Variants in MTHFD1 observed in about 807,000 individuals in gnomAD.
MTHFD1 encodes the protein methylenetetrahydrofolate dehydrogenase, cyclohydrolase and formyltetrahydrofolate synthetase 1.
In MTHFD1, 44 loss-of-function variants were observed where a neutral mutation model predicts 110.3. That is an observed-to-expected ratio of 0.40 (90% CI 0.31 to 0.51). The LOEUF (loss-of-function observed/expected upper bound fraction) is 0.51. Among genes scored for constraint, MTHFD1 ranks in the 20% least tolerant of loss-of-function variants. MTHFD1 has a pLI of 0.60. For synonymous variants in MTHFD1, 402 were observed against 428.8 expected, an observed-to-expected ratio of 0.94 and a Z score of 0.77; for missense variants, 909 against 1,173.1, an observed-to-expected ratio of 0.77 and a Z score of 3.29.
chr14:64,416,994 G>A (rs990976779), intron 6 of MTHFD1, among the ~76,000 whole-genome samples: 5 of 152,086 alleles, frequency 3.3e-5, no homozygotes, highest in African/African-American at 9.7e-5. Context: ...GATTTTATGC[G>A]AGAAGCACAA....
chr14:64,449,276 A>C, intron 23 of MTHFD1, 169 bp from the exon 24 acceptor site: 6 of 738,378 alleles, frequency 8.1e-6, no homozygotes. Flanking sequence ...TAACTGGCCA[A>C]AAGTCACCAG....
intron 1 of MTHFD1, among the ~76,000 whole-genome samples, chr14:64,391,400 A>G (rs549793602): frequency 1.6e-4 from 25 of 152,208 alleles, no homozygotes; most frequent in African/African-American, 5.8e-4. Flanking sequence ...CCTGACCTCA[A>G]GTGATCTGTC....
chr14:64,455,972 C>G (rs935934574), intron 26 of MTHFD1, among the ~76,000 whole-genome samples: 1 of 152,196 alleles, frequency 6.6e-6, no homozygotes, highest in Non-Finnish European at 1.5e-5. Context: ...GTAGAAATCC[C>G]TTGTGGTAGG....
chr14:64,425,070 A>T, intron 9 of MTHFD1, 139 bp downstream of exon 9: 1 of 1,067,298 alleles, frequency 9.4e-7, no homozygotes, highest in Non-Finnish European at 1.4e-6. Context: ...AGGGAAGAAT[A>T]GAGAAATAAG....
At chr14:64,449,355 G>A (rs2078334985) in intron 23 of MTHFD1, 90 bp from the exon 24 acceptor site, 2 of 1,436,056 alleles carry the variant, frequency 1.4e-6, no homozygotes, top group Non-Finnish European at 1.9e-6. Flanking sequence ...TTATCAGTGG[G>A]TAATTCACAT....
At chr14:64,447,163 T>G (rs1335889267) in intron 22 of MTHFD1, among the ~76,000 whole-genome samples, 1 of 137,280 alleles carries the variant, frequency 7.3e-6, no homozygotes, top group African/African-American at 2.7e-5. Context: ...TTTTTTTTTT[T>G]TTTTTTTTTT....
chr14:64,446,993 C>G (rs1384328704), intron 22 of MTHFD1, among the ~76,000 whole-genome samples: 1 of 152,060 alleles, frequency 6.6e-6, no homozygotes, highest in African/African-American at 2.4e-5. Flanking sequence ...GAACACGCCA[C>G]CACACCAGGC....
At chr14:64,400,108 G>A (rs1213240488) in intron 1 of MTHFD1, among the ~76,000 whole-genome samples, 3 of 152,176 alleles carry the variant, frequency 2.0e-5, no homozygotes, top group Non-Finnish European at 4.4e-5. Context: ...AGAAATACAG[G>A]CCGGGTGCAG....
chr14:64,411,973 A>G (rs1325432924), intron 3 of MTHFD1, among the ~76,000 whole-genome samples: 2 of 152,030 alleles, frequency 1.3e-5, no homozygotes, highest in Non-Finnish European at 2.9e-5. Context: ...ACATAAGATA[A>G]CATAGACAGA....
intron 1 of MTHFD1, among the ~76,000 whole-genome samples, chr14:64,395,438 T>G (rs887079809): frequency 1.3e-5 from 2 of 151,878 alleles, no homozygotes; most frequent in African/African-American, 4.8e-5. Context: ...TGGGTGGGGG[T>G]GGGGGAGGTG....
At chr14:64,440,320 G>T in intron 18 of MTHFD1, 54 bp downstream of exon 18, 1 of 1,608,526 alleles carries the variant, frequency 6.2e-7, no homozygotes, top group South Asian at 1.1e-5. Flanking sequence ...GTTGTCCTAG[G>T]GTCTTTCAGC....
intron 1 of MTHFD1, 84 bp downstream of exon 1, chr14:64,388,552 G>T: frequency 7.9e-7 from 1 of 1,267,704 alleles, no homozygotes; most frequent in East Asian, 2.3e-5. Context: ...CATTTTTTGC[G>T]GGAGGGACAC....
intron 23 of MTHFD1, 187 bp downstream of exon 23, chr14:64,448,504 C>T: frequency 1.6e-6 from 1 of 622,226 alleles, no homozygotes; most frequent in Admixed American, 2.4e-5. Flanking sequence ...ACTGAGGGTC[C>T]CAAAGTCAGA....
At chr14:64,412,632 G>GTTTT in intron 4 of MTHFD1, 107 bp downstream of exon 4, 1 of 554,402 alleles carries the variant, frequency 1.8e-6, no homozygotes. Context: ...AGACCTCCAG[G>GTTTT]TATTTTTTTT....
intron 1 of MTHFD1, among the ~76,000 whole-genome samples, chr14:64,398,119 G>A (rs866565285): frequency 6.6e-6 from 1 of 151,662 alleles, no homozygotes; most frequent in African/African-American, 2.4e-5. Flanking sequence ...CTGTTCCCTT[G>A]TCTCAGAGCA....
At position 64,440,203 on chromosome 14, in the gene MTHFD1, G is replaced by C; in HGVS notation, c.1752G>C (p.Glu584Asp). The change falls in exon 18 of 28, where the codon GAG (glutamate) becomes GAC (aspartate). Residue 584 changes from glutamate to aspartate, a missense_variant. Glu to Asp is a conservative substitution (Grantham distance 45). Around this residue, in one of 3 missense-constraint regions of MTHFD1, gnomAD observed 482 missense variants for 646.0 expected, o/e 0.75. Coordinates refer to ENST00000652337, the MANE Select transcript of MTHFD1 (RefSeq NM_005956.4). ...CCACTTCTCTAGAAGACATGAGAGA[G>C]AGACTGGGCAAAATGGTGGTGGCAT... ...ALTTSLEDMR[E>D]RLGKMVVASS... 1 of 1,614,212 alleles carries C rather than the reference G, an allele frequency of 6.2e-7. No individual in the cohort carries two copies. The highest frequency in any genetic ancestry group is 2.2e-5 in the East Asian group (1 of 44,886).
In MTHFD1 at chr14:64,454,822, C is replaced by G. The variant is rs767011731; in HGVS notation, c.2665C>G (p.Arg889Gly). 3 of 1,614,192 alleles carry G rather than the reference C, an allele frequency of 1.9e-6. No homozygotes were observed. The Admixed American group carries it at 5.0e-5, about 27-fold the overall frequency. ...GVPTGFILPI[R>G]DIRASVGAGF... ...CCCTACAGGCTTCATTCTGCCCATTCGCGACATCCGCGCCAGCGTTGGGGC... is the reference window on the plus strand; with the variant it reads ...CCCTACAGGCTTCATTCTGCCCATTGGCGACATCCGCGCCAGCGTTGGGGC... The change falls in exon 26 of 28, where the codon CGC (arginine) becomes GGC (glycine). Residue 889 changes from arginine (R) to glycine (G), a missense_variant. Transcript: ENST00000652337.
chr14:64,410,620 T>C lies in MTHFD1; in HGVS notation c.127-470T>C, dbSNP rs373885091. Among the ~76,000 whole-genome samples, 13 of 152,252 alleles carry C rather than the reference T, an allele frequency of 8.5e-5. No individual in the cohort carries two copies. The South Asian group carries it at 1.4e-3, about 17-fold the overall frequency. On this transcript the variant is annotated intron_variant, in intron 2 of 27. Coordinates refer to ENST00000652337, the MANE Select transcript of MTHFD1 (RefSeq NM_005956.4). ...GGAGGTCCTTCCACCCTCCTTTCTA[T>C]TGTCTGTGTGGCGGGGCCAGGGAGC...
intron 17 of MTHFD1, 99 bp from the exon 18 acceptor site, chr14:64,440,027 A>G: frequency 2.8e-6 from 3 of 1,086,012 alleles, no homozygotes; most frequent in Non-Finnish European, 4.1e-6. Flanking sequence ...CTTTTAAGCT[A>G]TTTGTTTAAG....
Sources: allele counts gnomAD v4.1 joint callset (sites outside exome capture counted in the v4.1 genomes callset), GRCh38; gene constraint gnomAD v4.1.1; regional missense constraint gnomAD v4.1.1; transcripts MANE v1.5; gene names NCBI Gene and HGNC (gene_info 2026-07-23, HGNC 2026-07-21).